The following DCAF17 variants were observed in gnomAD, a reference collection of about 807,000 sequenced individuals.
DCAF17 encodes the protein DDB1 and CUL4 associated factor 17.
In DCAF17, 48 loss-of-function variants were observed where a neutral mutation model predicts 66.0. The ratio of observed to expected loss-of-function variants is 0.73; its 90% CI spans 0.58 to 0.92. The LOEUF is 0.92. DCAF17 is among the 40% of genes least tolerant of loss of function. The pLI, the probability that DCAF17 is intolerant of heterozygous loss-of-function variation, is 0.00. For synonymous variants in DCAF17, 206 were observed against 214.6 expected (o/e 0.96, Z 0.35); for missense variants, 562 against 622.8 (o/e 0.90, Z 1.04).
intron 6 of DCAF17, among the ~76,000 whole-genome samples, chr2:171,453,794 A>G (rs1695090556): frequency 1.3e-5 from 2 of 152,134 alleles, no homozygotes; most frequent in African/African-American, 4.8e-5. Context: ...CTTGGTGCAT[A>G]GTTATTTATT....
Position 171,484,539 on chromosome 2 carries a change from A to C in DCAF17, c.*3425A>C, listed in dbSNP as rs1399162945. The C allele has an allele frequency of 2.2e-6, 1 of 452,324 alleles. No homozygotes were observed. The highest frequency in any genetic ancestry group is 1.6e-5 in the South Asian group (1 of 63,550). The allele number at this position is 452,324 out of a possible 1,614,324, so 28.0% of individuals were successfully genotyped here. A position where few individuals can be genotyped will look rare whatever the true frequency, so the allele number is the denominator to read the frequency against. ...CTGATATACTTCCCCCTAGTACTTCAACTGCAGATTATTAACTAGAGTTTA... is the reference window on the plus strand; with the variant it reads ...CTGATATACTTCCCCCTAGTACTTCCACTGCAGATTATTAACTAGAGTTTA... On this transcript the variant is annotated 3_prime_UTR_variant, in exon 14 of 14. Coordinates refer to ENST00000375255, the MANE Select transcript of DCAF17 (RefSeq NM_025000.4).
chr2:171,477,789 C>T (rs967367172), intron 11 of DCAF17, among the ~76,000 whole-genome samples, 198 bp from the exon 12 acceptor site: 12 of 152,138 alleles, frequency 7.9e-5, no homozygotes, highest in African/African-American at 2.9e-4. Context: ...GCACTCCAGC[C>T]TAGGCGACAG....
chr2:171,443,757 C>A, intron 3 of DCAF17, 144 bp downstream of exon 3: 3 of 609,122 alleles, frequency 4.9e-6, no homozygotes, highest in South Asian at 2.2e-5. Flanking sequence ...GAGAGTATAT[C>A]TTTTATTTTC....
rs1204765269 is a variant in DCAF17 at position 171,482,686 on chromosome 2, T to C, written c.*1572T>C. 1.1e-5 allele frequency: 5 copies of C among 453,714 alleles called. No homozygotes were observed. The East Asian group carries it at 2.1e-4, about 19-fold the overall frequency. The allele number at this position is 453,714 out of a possible 1,614,324, so 28.1% of individuals were successfully genotyped here. Reference sequence around the variant, plus strand: ...GTCAGAGATTTTTTTTTTTAGGTGATTATTGAGTTTCTCCTTCTCCTTTAA... The same window carrying C: ...GTCAGAGATTTTTTTTTTTAGGTGACTATTGAGTTTCTCCTTCTCCTTTAA... On this transcript the variant is annotated 3_prime_UTR_variant, in exon 14 of 14. Transcript: ENST00000375255.
chr2:171,483,262 AT>A lies in DCAF17; in HGVS notation c.*2152del, dbSNP rs1375885835. 4.4e-6 allele frequency: 2 copies of A among 453,934 alleles called. No individual in the cohort carries two copies. The highest frequency in any genetic ancestry group is 4.0e-5 in the African/African-American group (2 of 49,974). The allele number at this position is 453,934 out of a possible 1,614,324, so 28.1% of individuals were successfully genotyped here. A position where few individuals can be genotyped will look rare whatever the true frequency, so the allele number is the denominator to read the frequency against. On this transcript the variant is annotated 3_prime_UTR_variant, in exon 14 of 14. Coordinates refer to ENST00000375255, the MANE Select transcript of DCAF17 (RefSeq NM_025000.4). ...TACCTAAACCCCCTCTTTACCTGAT[AT>A]TTTAATTCGAGACTCTAGCTACATG...
intron 2 of DCAF17, among the ~76,000 whole-genome samples, chr2:171,436,902 G>A (rs541243124): frequency 2.6e-5 from 4 of 151,840 alleles, no homozygotes; most frequent in South Asian, 2.1e-4. Context: ...AGCCTCCCGA[G>A]TAGCTGGGAC....
intron 9 of DCAF17, 80 bp from the exon 10 acceptor site, chr2:171,473,786 G>T: frequency 8.9e-7 from 1 of 1,120,182 alleles, no homozygotes; most frequent in Non-Finnish European, 1.3e-6. Context: ...TTGACCTACT[G>T]ATCTATCACT....
Position 171,481,476 on chromosome 2 carries a change from TTTTG to T in DCAF17, c.*369_*372del, listed in dbSNP as rs1192739098. On this transcript the variant is annotated 3_prime_UTR_variant, in exon 14 of 14. Transcript: ENST00000375255. ...TGAGTTCTTAAAGGATGGTATGGAATTTTGTTTGTTAAGGCTAGGAAAGACAGGG... is the reference window on the plus strand; with the variant it reads ...TGAGTTCTTAAAGGATGGTATGGAATTTTGTTAAGGCTAGGAAAGACAGGG... The T allele has an allele frequency of 8.7e-6, 4 of 458,464 alleles. No individual in the cohort carries two copies. The highest frequency in any genetic ancestry group is 1.7e-5 in the Non-Finnish European group (4 of 229,990). 28.4% of individuals were successfully genotyped at this position (458,464 alleles called of 1,614,324 possible).
intron 7 of DCAF17, 99 bp from the exon 8 acceptor site, chr2:171,458,273 A>G: frequency 8.7e-7 from 1 of 1,155,584 alleles, no homozygotes; most frequent in Non-Finnish European, 1.3e-6. Context: ...GGAAAAAGAC[A>G]TTTTCTTTGT....
intron 5 of DCAF17, among the ~76,000 whole-genome samples, chr2:171,451,599 C>T (rs536872322): frequency 2.8e-4 from 42 of 152,276 alleles, no homozygotes; most frequent in Admixed American, 7.8e-4. Flanking sequence ...TGTTTTGAGA[C>T]GGAGTCTCGC....
chr2:171,436,400 A>T (rs1473687399), intron 2 of DCAF17, among the ~76,000 whole-genome samples: 1 of 152,238 alleles, frequency 6.6e-6, no homozygotes, highest in African/African-American at 2.4e-5. Context: ...AAGAACTGCC[A>T]TACACTTTTC....
At position 171,434,440 on chromosome 2, in the gene DCAF17, T is replaced by G; in HGVS notation, c.-138T>G. 1 of 1,449,334 alleles carries G rather than the reference T, an allele frequency of 6.9e-7. No individual in the cohort carries two copies. The highest frequency in any genetic ancestry group is 9.3e-7 in the Non-Finnish European group (1 of 1,073,828). The allele number at this position is 1,449,334 out of a possible 1,614,324, so 89.8% of individuals were successfully genotyped here. ...CGCCGTCGGGTGCTCCCTGCCCGCC[T>G]CCCCGTGTCAGCTTTCCCTGGGCCC... is the stretch of plus-strand genomic sequence containing the variant. On this transcript the variant is annotated 5_prime_UTR_variant, in exon 1 of 14. Coordinates refer to ENST00000375255, the MANE Select transcript of DCAF17 (RefSeq NM_025000.4).
rs1437919579 is a variant in DCAF17 at position 171,482,974 on chromosome 2, A to G, written c.*1860A>G. The G allele has an allele frequency of 2.2e-6, 1 of 453,980 alleles. No individual in the cohort carries two copies. The highest frequency in any genetic ancestry group is 2.0e-5 in the African/African-American group (1 of 49,996). 28.1% of individuals were successfully genotyped at this position (453,980 alleles called of 1,614,324 possible). On this transcript the variant is annotated 3_prime_UTR_variant, in exon 14 of 14. Transcript: ENST00000375255. Reference sequence around the variant, plus strand: ...TAAGGAGTTGTGGGCAGTGTAACAAACAGGAGAGCTATGCCCCAACTAAAA... The same window carrying G: ...TAAGGAGTTGTGGGCAGTGTAACAAGCAGGAGAGCTATGCCCCAACTAAAA...
chr2:171,461,518 C>T (rs550952423), intron 8 of DCAF17, among the ~76,000 whole-genome samples: 2 of 152,254 alleles, frequency 1.3e-5, no homozygotes, highest in African/African-American at 4.8e-5. Context: ...TTATAGTCCT[C>T]TTACATGGGG....
At chr2:171,447,085 A>G (rs901216205) in intron 3 of DCAF17, among the ~76,000 whole-genome samples, 1 of 151,920 alleles carries the variant, frequency 6.6e-6, no homozygotes, top group African/African-American at 2.4e-5. Context: ...TTTTGGGTAT[A>G]TGTCATTATA....
chr2:171,466,767 A>G (rs769583422), intron 8 of DCAF17, among the ~76,000 whole-genome samples: 1 of 138,716 alleles, frequency 7.2e-6, no homozygotes, highest in Non-Finnish European at 1.6e-5. Flanking sequence ...TATGTCCTCT[A>G]TATTGAATTT....
At position 171,481,170 on chromosome 2, in the gene DCAF17, C is replaced by A; in HGVS notation, c.*56C>A. ...TTTTAGCCAAACACCCCAGCAGCTG[C>A]GTCCAATCCATTTTATTATCTGCAT... On this transcript the variant is annotated 3_prime_UTR_variant, in exon 14 of 14. Transcript: ENST00000375255. 1 of 1,606,008 alleles carries A rather than the reference C, an allele frequency of 6.2e-7. No individual in the cohort carries two copies. Among genetic ancestry groups the A allele is most frequent in the Non-Finnish European group, 8.5e-7 (1 of 1,173,402 alleles).
At position 171,483,124 on chromosome 2, in the gene DCAF17, G is replaced by A. The variant is rs1188515370; in HGVS notation, c.*2010G>A. ...GATACAGAAGATAGCAAAGAATGTG[G>A]GGAATTTGGATACCACACATAGCGA... On this transcript the variant is annotated 3_prime_UTR_variant, in exon 14 of 14. Coordinates refer to ENST00000375255, the MANE Select transcript of DCAF17 (RefSeq NM_025000.4). 1 of 453,972 alleles carries A rather than the reference G, an allele frequency of 2.2e-6. No homozygotes were observed. The highest frequency in any genetic ancestry group is 2.4e-5 in the Admixed American group (1 of 42,540). 28.1% of individuals were successfully genotyped at this position (453,972 alleles called of 1,614,324 possible).
At chr2:171,443,142 T>G (rs1028661203) in intron 2 of DCAF17, 3 of 153,896 alleles carry the variant, frequency 1.9e-5, no homozygotes, top group African/African-American at 7.2e-5. Context: ...ATTTTAAATA[T>G]CAGAACAATA....
Sources: allele counts gnomAD v4.1 joint callset (sites outside exome capture counted in the v4.1 genomes callset), GRCh38; gene constraint gnomAD v4.1.1; transcripts MANE v1.5; gene names NCBI Gene and HGNC (gene_info 2026-07-23, HGNC 2026-07-21).